The following ABCA13 variants were observed in gnomAD, a reference collection of about 807,000 sequenced individuals.
The protein encoded by ABCA13 is ATP-binding cassette sub-family A member 13.
In ABCA13, 476 loss-of-function variants were observed where a neutral mutation model predicts 478.7. The observed-to-expected ratio is 0.99, with a 90% CI of 0.92 to 1.07. The LOEUF (loss-of-function observed/expected upper bound fraction) is 1.07, where lower values mean the gene tolerates loss of function less well. ABCA13 is among the 50% of genes least tolerant of loss of function. The probability of loss-of-function intolerance (pLI) is 0.00; values close to 1 mark genes in which losing one functional copy is unlikely to be tolerated. For synonymous variants in ABCA13, 2,252 were observed against 2,158.9 expected, an observed-to-expected ratio of 1.04 and a Z score of -1.20; for missense variants, 6,060 against 5,910.6, an observed-to-expected ratio of 1.03 and a Z score of -0.83.
intron 10 of ABCA13, among the ~76,000 whole-genome samples, chr7:48,242,434 C>CTTTGT (rs988466844): frequency 4.6e-5 from 7 of 151,330 alleles, no homozygotes; most frequent in African/African-American, 7.3e-5. Context: ...GTTTTTTTTT[C>CTTTGT]TTTGTTTTGT....
At chr7:48,587,915 A>G (rs1205712208) in intron 57 of ABCA13, among the ~76,000 whole-genome samples, 1 of 152,246 alleles carries the variant, frequency 6.6e-6, no homozygotes, top group Non-Finnish European at 1.5e-5. Flanking sequence ...TAATACAAGT[A>G]ATGCCATTGA....
At chr7:48,628,978 G>A (rs949103248) in intron 59 of ABCA13, among the ~76,000 whole-genome samples, 1 of 152,164 alleles carries the variant, frequency 6.6e-6, no homozygotes, top group African/African-American at 2.4e-5. Flanking sequence ...CCCTTTGATG[G>A]AGACTTTTAC....
chr7:48,397,309 A>G (rs1816971022), intron 38 of ABCA13, among the ~76,000 whole-genome samples: 1 of 152,160 alleles, frequency 6.6e-6, no homozygotes, highest in Non-Finnish European at 1.5e-5. Flanking sequence ...TAGAGTTGAA[A>G]TGCATCAATC....
intron 4 of ABCA13, 144 bp downstream of exon 4, chr7:48,219,649 A>G: frequency 7.2e-6 from 8 of 1,112,006 alleles, no homozygotes; most frequent in Non-Finnish European, 1.0e-5. Flanking sequence ...GGATGAGGCC[A>G]GCACCTGCAG....
chr7:48,249,248 G>A lies in ABCA13; in HGVS notation c.1902G>A (p.Leu634=). Residue 634 remains leucine (L), a synonymous_variant, in exon 15 of 62, where the codon CTG becomes CTA. Coordinates refer to ENST00000435803, the MANE Select transcript of ABCA13 (RefSeq NM_152701.5). ...CACTTGAAAAAACACAATTTTTCCT[G>A]GAACAAGCATATTATTGGAAAGCCT... ...FHTLEKTQFF[L]EQAYYWKAFK... is the part of the protein sequence containing the mutation. The A allele has an allele frequency of 6.8e-6, 11 of 1,612,012 alleles. No homozygotes were observed. Among genetic ancestry groups the A allele is most frequent in the Non-Finnish European group, 7.6e-6 (9 of 1,179,008 alleles).
intron 55 of ABCA13, among the ~76,000 whole-genome samples, chr7:48,556,503 A>G (rs1436321059): frequency 6.6e-6 from 1 of 151,892 alleles, no homozygotes; most frequent in Non-Finnish European, 1.5e-5. Context: ...GTACATAAAT[A>G]TTTACAATTG....
intron 38 of ABCA13, among the ~76,000 whole-genome samples, chr7:48,402,568 A>C (rs1563193012): frequency 6.6e-6 from 1 of 152,262 alleles, no homozygotes; most frequent in Non-Finnish European, 1.5e-5. Flanking sequence ...ATGAAACATT[A>C]AGTGCACAGA....
At position 48,314,325 on chromosome 7, in the gene ABCA13, G is replaced by T. The variant is rs774039645; in HGVS notation, c.9775G>T (p.Asp3259Tyr). ...CAAGGACCAAGCATCATTCCTTAGC[G>T]ATTCTAATATGTTTATTAATTTGCC... ...VCKDQASFLS[D>Y]SNMFINLPRV... is the part of the protein sequence containing the mutation. The change falls in exon 26 of 62, where the codon GAT (aspartate) becomes TAT (tyrosine). Residue 3259 changes from aspartate (D) to tyrosine (Y), a missense_variant. Around this residue, in one of 3 missense-constraint regions of ABCA13, gnomAD observed 4,423 missense variants for 4,309.1 expected, o/e 1.03. Coordinates refer to ENST00000435803, the MANE Select transcript of ABCA13 (RefSeq NM_152701.5). 3.1e-6 allele frequency: 5 copies of T among 1,613,208 alleles called. No individual in the cohort carries two copies. Among genetic ancestry groups the T allele is most frequent in the African/African-American group, 2.7e-5 (2 of 75,016 alleles).
Position 48,295,719 on chromosome 7 carries a change from C to T in ABCA13, c.8975C>T (p.Ser2992Phe), listed in dbSNP as rs762961294. 11 of 1,613,996 alleles carry T rather than the reference C, an allele frequency of 6.8e-6. No homozygotes were observed. Among genetic ancestry groups the T allele is most frequent in the Non-Finnish European group, 9.3e-6 (11 of 1,179,892 alleles). ...TTCTAGGAAATTGAAAAGATATGGT[C>T]CTCGCCGAATCAGCTAAATTGTGAA... is the stretch of plus-strand genomic sequence containing the variant. ...DHFQEIEKIW[S>F]SPNQLNCESL... The change falls in exon 21 of 62, where the codon TCC becomes TTC. Residue 2992 changes from serine to phenylalanine, a missense_variant. This residue lies in a region of ABCA13 where 4,423 missense variants were observed against 4,309.1 expected (regional missense o/e 1.03). Coordinates refer to ENST00000435803, the MANE Select transcript of ABCA13 (RefSeq NM_152701.5).
At chr7:48,453,789 G>T (rs1041862869) in intron 42 of ABCA13, among the ~76,000 whole-genome samples, 3 of 152,170 alleles carry the variant, frequency 2.0e-5, no homozygotes, top group Non-Finnish European at 2.9e-5. Flanking sequence ...GTTACAGTGT[G>T]CTGGGTTATT....
At chr7:48,531,162 T>C (rs539934649) in intron 55 of ABCA13, among the ~76,000 whole-genome samples, 98 of 152,336 alleles carry the variant, frequency 6.4e-4, no homozygotes, top group African/African-American at 2.2e-3. Context: ...AGTTGATGTT[T>C]GTATAAGGTG....
In ABCA13 at chr7:48,348,322, G is replaced by T. The variant is rs142903199; in HGVS notation, c.10205-2321G>T. Among the ~76,000 whole-genome samples the T allele has an allele frequency of 2.6e-5, 4 of 152,334 alleles. No homozygotes were observed. The East Asian group carries it at 7.7e-4, about 29-fold the overall frequency. The stretch of plus-strand genomic sequence containing the variant: ...GACACTCTGAGGCAGAAGACTCGAC[G>T]CTGTGGATCCTTCTAGCTCCTCTTT... On this transcript the variant is annotated intron_variant, in intron 29 of 61. Transcript: ENST00000435803.
chr7:48,286,050 A>G (rs1797689582), intron 19 of ABCA13, among the ~76,000 whole-genome samples: 1 of 152,188 alleles, frequency 6.6e-6, no homozygotes, highest in African/African-American at 2.4e-5. Flanking sequence ...TATATTTTAG[A>G]GTAGTTTTAG....
At chr7:48,545,190 A>AG (rs1784712640) in intron 55 of ABCA13, among the ~76,000 whole-genome samples, 1 of 151,884 alleles carries the variant, frequency 6.6e-6, no homozygotes, top group Admixed American at 6.6e-5. Flanking sequence ...CTGCATGTGG[A>AG]GAAGCATTGA....
chr7:48,359,706 A>G (rs1810517743), intron 31 of ABCA13, among the ~76,000 whole-genome samples: 1 of 151,974 alleles, frequency 6.6e-6, no homozygotes, highest in African/African-American at 2.4e-5. Flanking sequence ...TCCTCCCTGC[A>G]CTTGCCTCAA....
intron 5 of ABCA13, 120 bp downstream of exon 5, chr7:48,221,429 A>G (rs886432042): frequency 1.2e-4 from 62 of 528,086 alleles, no homozygotes; most frequent in Non-Finnish European, 1.8e-4. Context: ...TAACAATTGT[A>G]TAGAAGCTGG....
Position 48,244,772 on chromosome 7 carries a change from A to T in ABCA13, c.1390+69A>T. ...AAATGTGAAATTTATTGGAAAATGG[A>T]CTTGAAACTGCCTGACACATTGTAA... On this transcript the variant is annotated intron_variant, in intron 11 of 61. Transcript: ENST00000435803. The T allele has an allele frequency of 3.3e-6, 5 of 1,507,988 alleles. No homozygotes were observed. In the South Asian group the frequency reaches 3.9e-5, roughly 12 times the overall value. 93.4% of individuals were successfully genotyped at this position (1,507,988 alleles called of 1,614,324 possible). A position where few individuals can be genotyped will look rare whatever the true frequency, so the allele number is the denominator to read the frequency against.
Position 48,455,134 on chromosome 7 carries a change from C to T in ABCA13, c.12663C>T (p.Arg4221=), listed in dbSNP as rs571513341. The part of the protein sequence containing the change: ...ILARRLRRTL[R]AGKSTLADLL... ...CCCGGAGGCTCCGCCGCACGCTGCG[C>T]GCCGGGAAGAGCACCCTCGCCGACC... is the stretch of plus-strand genomic sequence containing the variant. The change falls in exon 43 of 62, where the codon CGC becomes CGT. Residue 4221 remains arginine, a synonymous_variant. Transcript: ENST00000435803. The T allele has an allele frequency of 1.1e-5, 18 of 1,569,444 alleles. No homozygotes were observed. The African/African-American group carries it at 1.4e-4, about 12-fold the overall frequency.
chr7:48,512,822 A>G (rs936450452), intron 51 of ABCA13, among the ~76,000 whole-genome samples: 4 of 152,214 alleles, frequency 2.6e-5, no homozygotes, highest in South Asian at 4.1e-4. Context: ...TTGAAGCACA[A>G]TCATAGGCAA....
Sources: gnomAD v4.1 joint callset for allele counts (sites outside exome capture counted in the v4.1 genomes callset) on GRCh38, gnomAD v4.1.1 for gene constraint, gnomAD v4.1.1 regional missense constraint, MANE v1.5 for transcripts, NCBI Gene and HGNC (gene_info 2026-07-23, HGNC 2026-07-21) for gene names.